Variants in CHRND observed in about 807,000 individuals in gnomAD.
CHRND encodes the protein acetylcholine receptor subunit delta.
Under a neutral mutation model 57.8 loss-of-function variants are expected in CHRND, and 40 were observed. The ratio of observed to expected loss-of-function variants is 0.69; its 90% CI spans 0.54 to 0.90. The LOEUF (loss-of-function observed/expected upper bound fraction) is 0.90, where lower values mean the gene tolerates loss of function less well. CHRND is among the 40% of genes least tolerant of loss of function. The probability of loss-of-function intolerance (pLI) is 0.00; values close to 1 mark genes in which losing one functional copy is unlikely to be tolerated. For synonymous variants in CHRND, 237 were observed against 270.6 expected (o/e 0.88, Z 1.22); for missense variants, 634 against 673.9 (o/e 0.94, Z 0.66).
intron 9 of CHRND, among the ~76,000 whole-genome samples, chr2:232,532,730 T>G (rs895938660): frequency 1.3e-5 from 2 of 152,122 alleles, no homozygotes; most frequent in Non-Finnish European, 2.9e-5. Flanking sequence ...GTGATGGAAG[T>G]CAGAATGGTG....
intron 7 of CHRND, among the ~76,000 whole-genome samples, chr2:232,530,920 G>A (rs1435987474): frequency 6.6e-6 from 1 of 152,226 alleles, no homozygotes; most frequent in African/African-American, 2.4e-5. Flanking sequence ...GGGGCTGGGA[G>A]TTGAGGTGTT....
intron 2 of CHRND, 28 bp downstream of exon 2, chr2:232,526,702 G>A (rs1422449947): frequency 1.2e-6 from 2 of 1,610,834 alleles, no homozygotes; most frequent in Non-Finnish European, 1.7e-6. Flanking sequence ...GCTGGGTTGG[G>A]AGGGAGGGCA....
intron 3 of CHRND, among the ~76,000 whole-genome samples, chr2:232,528,058 T>C (rs187379386): frequency 2.0e-5 from 3 of 152,260 alleles, no homozygotes; most frequent in African/African-American, 7.2e-5. Flanking sequence ...ATGCTCACAG[T>C]AGAAATAATG....
In CHRND at chr2:232,526,172, T is replaced by C; in HGVS notation, c.-44T>C. 8 of 1,182,954 alleles carry C rather than the reference T, an allele frequency of 6.8e-6. No individual in the cohort carries two copies. The highest frequency in any genetic ancestry group is 8.6e-6 in the Non-Finnish European group (7 of 809,750). 73.3% of individuals were successfully genotyped at this position (1,182,954 alleles called of 1,614,324 possible). On this transcript the variant is annotated 5_prime_UTR_variant, in exon 1 of 12. Coordinates refer to ENST00000258385, the MANE Select transcript of CHRND (RefSeq NM_000751.3). ...CCCGCCCACCCTCATTCCACAGCCC[T>C]GTAGACAGGAGGGGCAGATGCACGT...
intron 11 of CHRND, 55 bp downstream of exon 11, chr2:232,534,397 T>C: frequency 6.5e-7 from 1 of 1,539,264 alleles, no homozygotes; most frequent in Non-Finnish European, 9.0e-7. Flanking sequence ...ACTGATTAAG[T>C]GTATTCTATC....
At chr2:232,534,990 C>T in intron 11 of CHRND, 140 bp from the exon 12 acceptor site, 1 of 952,010 alleles carries the variant, frequency 1.1e-6, no homozygotes, top group Non-Finnish European at 1.6e-6. Context: ...GGGGACAAGC[C>T]AGCATTATCC....
chr2:232,536,626 A>T lies in CHRND; in HGVS notation c.*1314A>T, dbSNP rs574569801. The T allele has an allele frequency of 2.1e-4, 76 of 364,784 alleles. No individual in the cohort carries two copies. The highest frequency in any genetic ancestry group is 3.4e-4 in the Non-Finnish European group (63 of 185,166). 22.6% of individuals were successfully genotyped at this position (364,784 alleles called of 1,614,324 possible). A position where few individuals can be genotyped will look rare whatever the true frequency, so the allele number is the denominator to read the frequency against. ...TGACTCCTGGATTCCTGACCCCCAG[A>T]AACTGTGTGAGATAATAAATGTGTG... On this transcript the variant is annotated 3_prime_UTR_variant, in exon 12 of 12. Transcript: ENST00000258385.
chr2:232,531,781 C>G lies in CHRND; in HGVS notation c.1047+125C>G, dbSNP rs1021742614. 6 of 764,688 alleles carry G rather than the reference C, an allele frequency of 7.8e-6. No individual in the cohort carries two copies. In the African/African-American group the frequency reaches 1.0e-4, roughly 13 times the overall value. 47.4% of individuals were successfully genotyped at this position (764,688 alleles called of 1,614,324 possible). On this transcript the variant is annotated intron_variant, in intron 9 of 11. Transcript: ENST00000258385. ...CTGGGCAACATAGAGACACCCCTGT[C>G]TCTATAAACAATCAAAAAAATTAGC... is the stretch of plus-strand genomic sequence containing the variant.
intron 9 of CHRND, among the ~76,000 whole-genome samples, chr2:232,532,946 G>A (rs1388648130): frequency 1.3e-5 from 2 of 152,216 alleles, no homozygotes; most frequent in African/African-American, 2.4e-5. Flanking sequence ...GGGTGCTCAG[G>A]AGGGGGCTGC....
chr2:232,529,177 C>G (rs569318266), intron 6 of CHRND, among the ~76,000 whole-genome samples: 37 of 152,332 alleles, frequency 2.4e-4, no homozygotes, highest in Admixed American at 7.8e-4. Context: ...TTCCTGAATG[C>G]AAAGCTATCC....
In CHRND at chr2:232,526,518, A is replaced by G. The variant is rs1237050236; in HGVS notation, c.53-11A>G. On this transcript the variant is annotated splice_polypyrimidine_tract_variant and intron_variant, in intron 1 of 11. Transcript: ENST00000258385. The stretch of plus-strand genomic sequence containing the variant: ...GGGCCCCATTCAGTCCTTGTCGCTG[A>G]CCCTCCCCAGGCAGCTGGGGGCTGA... 6.2e-7 allele frequency: 1 copy of G among 1,612,798 alleles called. No homozygotes were observed. Among genetic ancestry groups the G allele is most frequent in the East Asian group, 2.2e-5 (1 of 44,856 alleles).
chr2:232,533,212 G>C (rs1691770335), intron 9 of CHRND, among the ~76,000 whole-genome samples: 1 of 152,042 alleles, frequency 6.6e-6, no homozygotes. Flanking sequence ...GTAGCGATGG[G>C]TTTCACCACG....
At chr2:232,534,923 G>T (rs951076711) in intron 11 of CHRND, among the ~76,000 whole-genome samples, 2 of 152,204 alleles carry the variant, frequency 1.3e-5, no homozygotes, top group Non-Finnish European at 2.9e-5. Flanking sequence ...GTCTGTTCCC[G>T]CCTCCTCAAC....
At position 232,530,053 on chromosome 2, in the gene CHRND, A is replaced by C. The variant is rs781331803; in HGVS notation, c.734A>C (p.Lys245Thr). The C allele has an allele frequency of 6.2e-7, 1 of 1,614,014 alleles. No homozygotes were observed. Among genetic ancestry groups the C allele is most frequent in the South Asian group, 1.1e-5 (1 of 91,064 alleles). ...ACCTTCTACCTCATCATCCGCCGCA[A>C]GCCCCTCTTCTACATCATCAACATC... ...DITFYLIIRR[K>T]PLFYIINILV... The change falls in exon 7 of 12, where the codon AAG (lysine) becomes ACG (threonine). Residue 245 changes from lysine (K) to threonine (T), a missense_variant. Transcript: ENST00000258385.
chr2:232,531,453 C>G lies in CHRND; in HGVS notation c.922C>G (p.Leu308Val). The change falls in exon 8 of 12, where the codon CTT becomes GTT. Residue 308 changes from leucine to valine, a missense_variant. Physicochemically the swap from Leu to Val is conservative, Grantham distance 32 (BLOSUM62 1). Transcript: ENST00000258385. ...RLPATSMAIPLIGKFLLFGMV... is the reference protein window; with the variant it reads ...RLPATSMAIPVIGKFLLFGMV... ...GCCTGCCACATCCATGGCCATCCCC[C>G]TTATCGGCAAGTGAGTGACGCTCAA... is the stretch of plus-strand genomic sequence containing the variant. 6.2e-7 allele frequency: 1 copy of G among 1,614,024 alleles called. No individual in the cohort carries two copies. Among genetic ancestry groups the G allele is most frequent in the Non-Finnish European group, 8.5e-7 (1 of 1,179,962 alleles).
At position 232,528,922 on chromosome 2, in the gene CHRND, C is replaced by T. The variant is rs768218659; in HGVS notation, c.570C>T (p.Asn190=). Residue 190 remains asparagine (N), a synonymous_variant, in exon 6 of 12, where the codon AAC becomes AAT. Coordinates refer to ENST00000258385, the MANE Select transcript of CHRND (RefSeq NM_000751.3). ...GCCTGAAACAGGATGCCAAGGAGAA[C>T]CGCACCTACCCCGTGGAGTGGATCA... ...TLSLKQDAKE[N]RTYPVEWIII... 16 of 1,614,052 alleles carry T rather than the reference C, an allele frequency of 9.9e-6. No individual in the cohort carries two copies. Among genetic ancestry groups the T allele is most frequent in the Admixed American group, 1.7e-5 (1 of 60,000 alleles).
chr2:232,532,540 G>A (rs1196191639), intron 9 of CHRND, among the ~76,000 whole-genome samples: 1 of 149,320 alleles, frequency 6.7e-6, no homozygotes, highest in African/African-American at 2.5e-5. Context: ...AATGGGTAAA[G>A]ACACTGGACA....
At chr2:232,527,265 C>T in intron 2 of CHRND, 136 bp from the exon 3 acceptor site, 1 of 835,920 alleles carries the variant, frequency 1.2e-6, no homozygotes, top group Non-Finnish European at 2.1e-6. Context: ...AAGCTCGTGC[C>T]ACTGCACTCC....
At position 232,535,995 on chromosome 2, in the gene CHRND, C is replaced by T. The variant is rs759749673; in HGVS notation, c.*683C>T. On this transcript the variant is annotated 3_prime_UTR_variant, in exon 12 of 12. Transcript: ENST00000258385. ...AAGGGTCCCTGCCCCCCAGCACCTA[C>T]TCCTCTCCAAATTAGGGTTGTCATG... The T allele has an allele frequency of 4.4e-6, 2 of 454,162 alleles. No individual in the cohort carries two copies. Among genetic ancestry groups the T allele is most frequent in the South Asian group, 3.1e-5 (2 of 64,482 alleles). 28.1% of individuals were successfully genotyped at this position (454,162 alleles called of 1,614,324 possible).
Sources: gnomAD v4.1 joint callset for allele counts (sites outside exome capture counted in the v4.1 genomes callset) on GRCh38, gnomAD v4.1.1 for gene constraint, MANE v1.5 for transcripts, NCBI Gene and HGNC (gene_info 2026-07-23, HGNC 2026-07-21) for gene names.